IRF2: variants seen among roughly 807,000 people sequenced by gnomAD.
IRF2 encodes the protein interferon regulatory factor 2.
In IRF2, 15 loss-of-function variants were observed where a neutral mutation model predicts 40.6. The observed-to-expected ratio is 0.37, with a 90% CI of 0.25 to 0.57. The LOEUF (loss-of-function observed/expected upper bound fraction) is 0.57. Ranked by LOEUF, IRF2 falls within the 20% of genes least tolerant of loss-of-function variation. The pLI is 0.77. For missense variants in IRF2, 317 were observed against 455.7 expected (o/e 0.70, Z 2.77); for synonymous variants, 151 against 165.5 (o/e 0.91, Z 0.67).
rs1739604355 is a variant in IRF2, at chr4:184,473,552, G to A, written c.-7+827C>T. Among the ~76,000 whole-genome samples the A allele has an allele frequency of 2.0e-5, 3 of 147,756 alleles. No individual in the cohort carries two copies. In the South Asian group the frequency reaches 6.2e-4, roughly 31 times the overall value. On this transcript the variant is annotated intron_variant, in intron 1 of 8. Coordinates refer to ENST00000393593, the MANE Select transcript of IRF2 (RefSeq NM_002199.4). ...CCGGGCGCTGGCCGGCGGGAAGGAG[G>A]ACGCGGCGTCCCTTCTGAGCGGCGG...
At chr4:184,472,924 G>C (rs1739567098) in intron 1 of IRF2, among the ~76,000 whole-genome samples, 1 of 152,210 alleles carries the variant, frequency 6.6e-6, no homozygotes, top group Admixed American at 6.5e-5. Flanking sequence ...AAGGAGGAGA[G>C]GGTGGCAAAC....
chr4:184,461,705 C>T (rs1739154585), intron 1 of IRF2, among the ~76,000 whole-genome samples: 1 of 141,704 alleles, frequency 7.1e-6, no homozygotes, highest in Non-Finnish European at 1.5e-5. Context: ...GCCCCCCAAC[C>T]CCCAACCCCC....
chr4:184,400,273 T>C (rs1424888254), intron 6 of IRF2, among the ~76,000 whole-genome samples: 1 of 152,332 alleles, frequency 6.6e-6, no homozygotes, highest in East Asian at 1.9e-4. Context: ...CCCCATTTCA[T>C]TAATTTGTTC....
intron 5 of IRF2, among the ~76,000 whole-genome samples, chr4:184,416,513 C>T (rs1691157895): frequency 6.6e-6 from 1 of 151,848 alleles, no homozygotes; most frequent in Non-Finnish European, 1.5e-5. Flanking sequence ...ATTTAAGTAA[C>T]AAACTACACG....
Position 184,413,287 on chromosome 4 carries a change from C to T in IRF2, c.411+4880G>A, listed in dbSNP as rs558140707. On this transcript the variant is annotated intron_variant, in intron 5 of 8. Coordinates refer to ENST00000393593, the MANE Select transcript of IRF2 (RefSeq NM_002199.4). This position sits in a 1 kb window ranked among gnomAD's most constrained non-coding sequence, Gnocchi z 4.2. ...CAAGGAGTTCAACTGTGTCTCATTCCGTAAAACTGTCCCTCAAGCTCTTCC... is the reference window on the plus strand; with the variant it reads ...CAAGGAGTTCAACTGTGTCTCATTCTGTAAAACTGTCCCTCAAGCTCTTCC... Among the ~76,000 whole-genome samples, 3 of 152,308 alleles carry T rather than the reference C, an allele frequency of 2.0e-5. No individual in the cohort carries two copies. Among genetic ancestry groups the T allele is most frequent in the Admixed American group, 1.3e-4 (2 of 15,296 alleles).
intron 7 of IRF2, among the ~76,000 whole-genome samples, chr4:184,392,011 C>G (rs1208481331): frequency 6.6e-6 from 1 of 152,186 alleles, no homozygotes; most frequent in Non-Finnish European, 1.5e-5. Context: ...GCACAACAGG[C>G]TGGATTAATG....
intron 7 of IRF2, among the ~76,000 whole-genome samples, chr4:184,395,368 G>A (rs191838733): frequency 5.8e-5 from 7 of 120,088 alleles, no homozygotes; most frequent in Admixed American, 1.2e-4. Flanking sequence ...AGCCGAGATC[G>A]CACCACTGCA....
intron 1 of IRF2, among the ~76,000 whole-genome samples, chr4:184,471,124 G>A (rs921971680): frequency 5.3e-5 from 8 of 152,122 alleles, no homozygotes; most frequent in African/African-American, 1.7e-4. Flanking sequence ...TTTACACTAA[G>A]AATAATCTGA....
chr4:184,456,428 G>A (rs1490486093), intron 1 of IRF2, among the ~76,000 whole-genome samples: 1 of 152,222 alleles, frequency 6.6e-6, no homozygotes, highest in African/African-American at 2.4e-5. Flanking sequence ...CCGCGTGTCC[G>A]AGCCATTGGT....
intron 7 of IRF2, among the ~76,000 whole-genome samples, chr4:184,396,345 A>G (rs10017148): frequency 0.022 from 3,412 of 152,084 alleles, 134 homozygotes; most frequent in African/African-American, 0.079. Context: ...TCAACGGCTC[A>G]TGGGTTCTAG....
chr4:184,398,799 G>A (rs1235341951), intron 7 of IRF2, 116 bp downstream of exon 7: 2 of 849,532 alleles, frequency 2.4e-6, no homozygotes, highest in East Asian at 5.6e-5. Context: ...ACTCCAGGGA[G>A]AATAACTCCT....
chr4:184,402,866 C>T (rs1187863141), intron 6 of IRF2, among the ~76,000 whole-genome samples: 4 of 152,042 alleles, frequency 2.6e-5, no homozygotes, highest in South Asian at 4.1e-4. Flanking sequence ...TCACTGAGTG[C>T]GTCTGTCAAC....
rs925368617 is a variant in IRF2, at chr4:184,439,343, C to T, written c.-6-10273G>A. ...AAAAAAAAAAAAAAGCGGGGCGGAG[C>T]GGGGGTACTTAAAAAAAAAAAAAAG... On this transcript the variant is annotated intron_variant, in intron 1 of 8. Coordinates refer to ENST00000393593, the MANE Select transcript of IRF2 (RefSeq NM_002199.4). Among the ~76,000 whole-genome samples, 56 of 132,090 alleles carry T rather than the reference C, an allele frequency of 4.2e-4. No individual in the cohort carries two copies. The East Asian group carries it at 9.5e-3, about 22-fold the overall frequency. The allele number at this position is 132,090 out of a possible 152,430, so 86.7% of individuals were successfully genotyped here.
chr4:184,435,463 A>G (rs1738042714), intron 1 of IRF2, among the ~76,000 whole-genome samples: 1 of 152,234 alleles, frequency 6.6e-6, no homozygotes, highest in Non-Finnish European at 1.5e-5. Flanking sequence ...TACAGTAGGT[A>G]ATTCAGACCT....
intron 1 of IRF2, among the ~76,000 whole-genome samples, chr4:184,457,429 T>C (rs994429164): frequency 2.0e-5 from 3 of 152,240 alleles, no homozygotes; most frequent in Admixed American, 2.0e-4. Flanking sequence ...TTCTGCCCTA[T>C]GAAGGCATTG....
chr4:184,438,639 C>T (rs748747690), intron 1 of IRF2, among the ~76,000 whole-genome samples: 24 of 152,264 alleles, frequency 1.6e-4, no homozygotes, highest in South Asian at 2.1e-4. Context: ...ATATGTGATT[C>T]GCCTGCCTTG....
chr4:184,429,176 G>A, intron 1 of IRF2, 106 bp from the exon 2 acceptor site: 2 of 787,892 alleles, frequency 2.5e-6, no homozygotes, highest in Non-Finnish European at 4.1e-6. Context: ...CCTTTCCTGG[G>A]GCTGGGGACC....
At chr4:184,410,028 G>C (rs988049011) in intron 5 of IRF2, among the ~76,000 whole-genome samples, 1 of 152,102 alleles carries the variant, frequency 6.6e-6, no homozygotes, top group African/African-American at 2.4e-5. Flanking sequence ...CCGACCCGCT[G>C]TCTGCCTTTC....
chr4:184,471,216 T>G, intron 1 of IRF2, among the ~76,000 whole-genome samples: 1 of 152,238 alleles, frequency 6.6e-6, no homozygotes, highest in East Asian at 1.9e-4. Flanking sequence ...GTATCTCAAT[T>G]GTTCATGAAA....
Sources: gnomAD v4.1 joint callset for allele counts (sites outside exome capture counted in the v4.1 genomes callset) on GRCh38, gnomAD v4.1.1 for gene constraint, Gnocchi (gnomAD v3.1) non-coding constraint, MANE v1.5 for transcripts, NCBI Gene and HGNC (gene_info 2026-07-23, HGNC 2026-07-21) for gene names.